GEMIN5: variants seen among roughly 807,000 people sequenced by gnomAD.
The protein encoded by GEMIN5 is gem-associated protein 5.
GEMIN5 carries 124 observed loss-of-function variants against 176.9 expected under a neutral mutation model. The observed-to-expected ratio is 0.70, with a 90% confidence interval of 0.61 to 0.81. The LOEUF (loss-of-function observed/expected upper bound fraction) is 0.81. GEMIN5 is among the 40% of genes least tolerant of loss of function. GEMIN5 has a pLI of 0.00. For synonymous variants in GEMIN5, 673 were observed against 665.2 expected (o/e 1.01, Z -0.18); for missense variants, 1,843 against 1,814.6 (o/e 1.02, Z -0.28).
At chr5:154,935,629 A>G (rs537160790) in intron 3 of GEMIN5, among the ~76,000 whole-genome samples, 42 of 152,312 alleles carry the variant, frequency 2.8e-4, no homozygotes, top group South Asian at 2.3e-3. Context: ...AAAAACGAAG[A>G]AAGTACAGTA....
intron 10 of GEMIN5, 62 bp downstream of exon 10, chr5:154,921,281 T>G: frequency 1.2e-6 from 1 of 825,914 alleles, no homozygotes; most frequent in South Asian, 1.4e-5. Context: ...TCTTTAATAT[T>G]TTAGGATTAA....
At chr5:154,888,665 G>T (rs1200475927) in intron 27 of GEMIN5, among the ~76,000 whole-genome samples, 1 of 151,932 alleles carries the variant, frequency 6.6e-6, no homozygotes, top group African/African-American at 2.4e-5. Flanking sequence ...TAATATTTGG[G>T]CCCACAGCCA....
intron 20 of GEMIN5, 105 bp downstream of exon 20, chr5:154,902,434 G>C: frequency 2.0e-6 from 2 of 1,012,652 alleles, no homozygotes; most frequent in Non-Finnish European, 3.0e-6. Flanking sequence ...GTATCTATTT[G>C]TAAGTGATTT....
intron 9 of GEMIN5, among the ~76,000 whole-genome samples, chr5:154,922,537 T>TGCAAG (rs1763945716): frequency 2.0e-5 from 3 of 152,232 alleles, no homozygotes; most frequent in Admixed American, 2.0e-4. Flanking sequence ...TACCCACCAC[T>TGCAAG]CTCTGGCTAT....
intron 24 of GEMIN5, among the ~76,000 whole-genome samples, chr5:154,895,750 G>C (rs1053477728): frequency 2.0e-4 from 31 of 152,074 alleles, no homozygotes; most frequent in Non-Finnish European, 3.7e-4. Context: ...GTGGCTGGGC[G>C]TGGTGGCGCA....
At chr5:154,937,217 A>T (rs367638694) in intron 1 of GEMIN5, 32 bp from the exon 2 acceptor site, 3 of 1,555,352 alleles carry the variant, frequency 1.9e-6, no homozygotes, top group Non-Finnish European at 2.6e-6. Flanking sequence ...AGGTTAATCG[A>T]AGTGCTATCC....
In GEMIN5 at chr5:154,913,018, C is replaced by T. The variant is rs769549125; in HGVS notation, c.1876G>A (p.Val626Met). The T allele has an allele frequency of 2.5e-6, 4 of 1,613,506 alleles. No individual in the cohort carries two copies. In the Admixed American group the frequency reaches 6.7e-5, roughly 27 times the overall value. ...TVIESSPESP[V>M]TITEPYRTLS... ...GTCCGGTAGGGCTCTGTAATGGTCA[C>T]TGGAGACTCAGGGCTGCTCTCTAAA... The change falls in exon 14 of 28, where the codon GTG becomes ATG. Residue 626 changes from valine to methionine, a missense_variant. Val to Met is a conservative substitution (Grantham distance 21). Transcript: ENST00000285873.
Position 154,935,913 on chromosome 5 carries a change from T to G in GEMIN5, c.437A>C (p.His146Pro). The G allele has an allele frequency of 6.2e-7, 1 of 1,613,494 alleles. No individual in the cohort carries two copies. The highest frequency in any genetic ancestry group is 8.5e-7 in the Non-Finnish European group (1 of 1,179,460). Residue 146 changes from histidine (H) to proline (P), a missense_variant, in exon 3 of 28, where the codon CAC becomes CCC. His to Pro is a moderately conservative substitution (Grantham distance 77). Coordinates refer to ENST00000285873, the MANE Select transcript of GEMIN5 (RefSeq NM_015465.5). ...CYWFNRNDSQHLFIEPRTIFC... is the reference protein window; with the variant it reads ...CYWFNRNDSQPLFIEPRTIFC... ...AATTGTCCTGGGTTCTATAAAGAGG[T>G]GCTGGCTGTCATTTCTGTTAAACCA...
chr5:154,932,030 T>G, intron 4 of GEMIN5, 69 bp downstream of exon 4: 105 of 1,117,490 alleles, frequency 9.4e-5, no homozygotes, highest in Non-Finnish European at 1.3e-4. Flanking sequence ...AAATAAAAAA[T>G]GATATAATTG....
At position 154,896,220 on chromosome 5, in the gene GEMIN5, C is replaced by T. The variant is rs762026001; in HGVS notation, c.3469G>A (p.Val1157Met). ...TWNTGTEGPF[V>M]ERVTAVWKSI... ...TTCCACACTGCAGTCACCCTCTCCA[C>T]GAAAGGCCCTTCGGTGCCCGTGTTC... The change falls in exon 24 of 28, where the codon GTG becomes ATG. Residue 1157 changes from valine to methionine, a missense_variant. Coordinates refer to ENST00000285873, the MANE Select transcript of GEMIN5 (RefSeq NM_015465.5). 2.7e-5 allele frequency: 44 copies of T among 1,613,786 alleles called. No individual in the cohort carries two copies. Among genetic ancestry groups the T allele is most frequent in the African/African-American group, 2.0e-4 (15 of 74,916 alleles).
In GEMIN5 at chr5:154,902,555, C is replaced by T. The variant is rs1179481602; in HGVS notation, c.2850G>A (p.Val950=). ...AAACCATACCTGCTGGTGCCATAGC[C>T]ACAAGGTTGTCTGTCAGCTCCCCTC... ...AERGELTDNL[V]AMAPAAGYHV... is the part of the protein sequence containing the mutation. The change falls in exon 20 of 28, where the codon GTG becomes GTA. Residue 950 remains valine (V), a synonymous_variant. Transcript: ENST00000285873. The T allele has an allele frequency of 6.2e-7, 1 of 1,614,066 alleles. No homozygotes were observed. The highest frequency in any genetic ancestry group is 1.1e-5 in the South Asian group (1 of 91,082).
intron 14 of GEMIN5, among the ~76,000 whole-genome samples, chr5:154,912,466 C>A (rs1199148265): frequency 6.6e-6 from 1 of 152,192 alleles, no homozygotes. Context: ...CACAAGTCCT[C>A]CCTCATAGAT....
At chr5:154,903,398 C>G (rs533783449) in intron 18 of GEMIN5, among the ~76,000 whole-genome samples, 38 of 152,120 alleles carry the variant, frequency 2.5e-4, no homozygotes, top group Non-Finnish European at 4.6e-4. Context: ...CAGTAAAAAA[C>G]AAGCAAAACA....
At position 154,932,193 on chromosome 5, in the gene GEMIN5, A is replaced by G. The variant is rs766398117; in HGVS notation, c.567T>C (p.His189=). ...IDISKKGEVI[H]RLRGHDDEIH... ...TTTCATCATCATGGCCTCGAAGCCT[A>G]TGAATAACTTCTCCTTTCTTACTGA... Residue 189 remains histidine (H), a synonymous_variant, in exon 4 of 28, where the codon CAT becomes CAC. Coordinates refer to ENST00000285873, the MANE Select transcript of GEMIN5 (RefSeq NM_015465.5). The G allele has an allele frequency of 6.8e-6, 11 of 1,610,890 alleles. No homozygotes were observed. The Admixed American group carries it at 8.3e-5, about 12-fold the overall frequency.
At chr5:154,933,473 CT>C (rs1225239487) in intron 3 of GEMIN5, among the ~76,000 whole-genome samples, 1 of 152,120 alleles carries the variant, frequency 6.6e-6, no homozygotes, top group South Asian at 2.1e-4. Flanking sequence ...AGGGCTTCCA[CT>C]TTTTTACAAC....
At chr5:154,906,995 A>C (rs192473634) in intron 16 of GEMIN5, among the ~76,000 whole-genome samples, 1 of 152,290 alleles carries the variant, frequency 6.6e-6, no homozygotes, top group East Asian at 1.9e-4. Flanking sequence ...GTACAAAATA[A>C]AAAGAGTGCT....
chr5:154,935,879 A>G lies in GEMIN5; in HGVS notation c.471T>C (p.Leu157=), dbSNP rs987386490. The change falls in exon 3 of 28, where the codon CTT becomes CTC. Residue 157 remains leucine, a synonymous_variant. Coordinates refer to ENST00000285873, the MANE Select transcript of GEMIN5 (RefSeq NM_015465.5). ...LFIEPRTIFC[L]TCSPHHEDLV... ...AATCTTCATGATGAGGTGAACAAGT[A>G]AGACAGAAAATTGTCCTGGGTTCTA... 1.2e-6 allele frequency: 2 copies of G among 1,613,742 alleles called. No homozygotes were observed. Among genetic ancestry groups the G allele is most frequent in the Admixed American group, 3.3e-5 (2 of 60,006 alleles).
At chr5:154,923,918 AAATAAAC>A (rs1763975532) in intron 9 of GEMIN5, among the ~76,000 whole-genome samples, 1 of 152,244 alleles carries the variant, frequency 6.6e-6, no homozygotes, top group Non-Finnish European at 1.5e-5. Context: ...CGGTGTACAA[AAATAAAC>A]AATGTAAGCC....
intron 13 of GEMIN5, among the ~76,000 whole-genome samples, chr5:154,916,132 T>C (rs749038143): frequency 2.0e-5 from 3 of 152,026 alleles, no homozygotes; most frequent in Non-Finnish European, 2.9e-5. Flanking sequence ...AAGCTATCCT[T>C]CCACTATGGC....
Sources: gnomAD v4.1 joint callset for allele counts (sites outside exome capture counted in the v4.1 genomes callset) on GRCh38, gnomAD v4.1.1 for gene constraint, MANE v1.5 for transcripts, NCBI Gene and HGNC (gene_info 2026-07-23, HGNC 2026-07-21) for gene names.